The following CCSER2 variants were observed in gnomAD, a reference collection of about 807,000 sequenced individuals.
CCSER2 encodes the protein coiled-coil serine rich protein 2.
Under a neutral mutation model 92.3 loss-of-function variants are expected in CCSER2, and 46 were observed. The ratio of observed to expected loss-of-function variants is 0.50; its 90% CI spans 0.39 to 0.64. CCSER2 has a LOEUF of 0.64. Ranked by LOEUF, CCSER2 falls within the 30% of genes least tolerant of loss-of-function variation. The pLI, the probability that CCSER2 is intolerant of heterozygous loss-of-function variation, is 0.00. For missense variants in CCSER2, 1,244 were observed against 1,238.9 expected, an observed-to-expected ratio of 1.00 and a Z score of -0.06; for synonymous variants, 433 against 431.4, an observed-to-expected ratio of 1.00 and a Z score of -0.04.
chr10:84,427,458 C>G (rs1161062903), intron 5 of CCSER2, among the ~76,000 whole-genome samples: 1 of 152,134 alleles, frequency 6.6e-6, no homozygotes, highest in Non-Finnish European at 1.5e-5. Flanking sequence ...GTATACTAGC[C>G]CCAGGGCCTT....
intron 7 of CCSER2, among the ~76,000 whole-genome samples, chr10:84,466,203 A>G (rs758063226): frequency 1.3e-5 from 2 of 152,136 alleles, no homozygotes; most frequent in Non-Finnish European, 2.9e-5. Flanking sequence ...CAAATCCCCA[A>G]CTGTGTCACC....
chr10:84,339,839 T>C (rs1247012466), intron 1 of CCSER2, among the ~76,000 whole-genome samples: 1 of 151,116 alleles, frequency 6.6e-6, no homozygotes, highest in African/African-American at 2.4e-5. Flanking sequence ...ACTTTATCTT[T>C]TTTATTTTTT....
chr10:84,413,864 CTCT>C (rs1237930257), intron 3 of CCSER2, among the ~76,000 whole-genome samples: 2 of 152,130 alleles, frequency 1.3e-5, no homozygotes, highest in African/African-American at 4.8e-5. Context: ...AGATAGTTAG[CTCT>C]TCTTGTTGAA....
At chr10:84,495,503 A>C (rs1008646918) in intron 9 of CCSER2, among the ~76,000 whole-genome samples, 8 of 152,052 alleles carry the variant, frequency 5.3e-5, no homozygotes, top group African/African-American at 9.7e-5. Flanking sequence ...GTTTTATGTC[A>C]TTGCTGATTT....
chr10:84,391,659 A>G (rs1408742875), intron 3 of CCSER2: 13 of 1,536,542 alleles, frequency 8.5e-6, no homozygotes, highest in African/African-American at 8.2e-5. Context: ...AACAGACCCA[A>G]CACACCAAAG....
chr10:84,466,805 G>A (rs1039083111), intron 7 of CCSER2, among the ~76,000 whole-genome samples: 24 of 152,056 alleles, frequency 1.6e-4, no homozygotes, highest in African/African-American at 5.8e-4. Context: ...AAGCCACCGC[G>A]CCCGGCCTCC....
intron 3 of CCSER2, among the ~76,000 whole-genome samples, chr10:84,400,258 T>G (rs1411788222): frequency 2.6e-5 from 4 of 152,200 alleles, no homozygotes; most frequent in African/African-American, 7.2e-5. Flanking sequence ...TGTCATTGTT[T>G]ATGCTCTTAA....
intron 1 of CCSER2, among the ~76,000 whole-genome samples, chr10:84,340,153 C>T (rs2133007865): frequency 6.6e-6 from 1 of 152,294 alleles, no homozygotes; most frequent in Non-Finnish European, 1.5e-5. Flanking sequence ...ATCACTTTAT[C>T]TTTTTAAGAG....
At chr10:84,365,662 C>G (rs1845740653) in intron 1 of CCSER2, among the ~76,000 whole-genome samples, 1 of 152,184 alleles carries the variant, frequency 6.6e-6, no homozygotes, top group Admixed American at 6.5e-5. Context: ...CTCTTGTGGG[C>G]TCATCTTGTG....
chr10:84,369,409 A>G (rs770888393), intron 1 of CCSER2, among the ~76,000 whole-genome samples: 11 of 152,026 alleles, frequency 7.2e-5, no homozygotes, highest in Non-Finnish European at 1.6e-4. Context: ...CACGTCCCTG[A>G]TGATTAGTGA....
rs1323269161 is a variant in CCSER2, at chr10:84,420,449, T to C, written c.1705+2588T>C. Among the ~76,000 whole-genome samples, 4 of 152,228 alleles carry C rather than the reference T, an allele frequency of 2.6e-5. No individual in the cohort carries two copies. The East Asian group carries it at 7.7e-4, about 29-fold the overall frequency. The stretch of plus-strand genomic sequence containing the variant: ...ATCTAGGTTTGGTACTATAGGAAAG[T>C]GGGAAATTTTTCTTTTTATGGCTCT... On this transcript the variant is annotated intron_variant, in intron 4 of 9. Transcript: ENST00000372088.
At chr10:84,428,903 T>C (rs1239915085) in intron 5 of CCSER2, among the ~76,000 whole-genome samples, 1 of 151,686 alleles carries the variant, frequency 6.6e-6, no homozygotes, top group Non-Finnish European at 1.5e-5. Context: ...AGTAATACTT[T>C]GGTATGTTGC....
At chr10:84,499,950 C>T (rs1053792703) in intron 9 of CCSER2, 5 of 1,613,924 alleles carry the variant, frequency 3.1e-6, no homozygotes, top group South Asian at 1.1e-5. Context: ...TCCACCGCAC[C>T]GCAGACAGAG....
At chr10:84,485,828 T>A (rs1394460538) in intron 9 of CCSER2, among the ~76,000 whole-genome samples, 4 of 152,214 alleles carry the variant, frequency 2.6e-5, no homozygotes, top group African/African-American at 9.7e-5. Context: ...TGTGCCATGT[T>A]GGTGTGCTGC....
intron 1 of CCSER2, among the ~76,000 whole-genome samples, chr10:84,362,222 A>C (rs1315813131): frequency 6.6e-6 from 1 of 152,168 alleles, no homozygotes. Flanking sequence ...GCTCAAGCAG[A>C]TCCTGTATAG....
intron 6 of CCSER2, among the ~76,000 whole-genome samples, chr10:84,461,059 C>T (rs2133654883): frequency 1.3e-5 from 2 of 152,112 alleles, no homozygotes; most frequent in Middle Eastern, 3.4e-3. Context: ...AAAAGTATTT[C>T]ATTCTATAAT....
In CCSER2 at chr10:84,470,381, T is replaced by A. The variant is rs1276017771; in HGVS notation, c.2158T>A (p.Leu720Ile). 3.8e-6 allele frequency: 5 copies of A among 1,325,768 alleles called. No individual in the cohort carries two copies. Among genetic ancestry groups the A allele is most frequent in the Non-Finnish European group, 4.0e-6 (4 of 988,498 alleles). 82.1% of individuals were successfully genotyped at this position (1,325,768 alleles called of 1,614,324 possible). Reference protein sequence around the residue: ...DGDKVYKNEDLLNEIKQLKDE... With the variant: ...DGDKVYKNEDILNEIKQLKDE... Reference sequence around the variant, plus strand: ...TTTTTTAATATTTCAGAATGAAGATTTATTAAATGAAATAAAACAACTTAA... The same window carrying A: ...TTTTTTAATATTTCAGAATGAAGATATATTAAATGAAATAAAACAACTTAA... Residue 720 changes from leucine (L) to isoleucine (I), a missense_variant, in exon 8 of 10, where the codon TTA becomes ATA. Transcript: ENST00000372088.
In CCSER2 at chr10:84,513,640, G is replaced by A. The variant is rs752343382; in HGVS notation, c.2517G>A (p.Gln839=). The A allele has an allele frequency of 3.1e-6, 5 of 1,592,748 alleles. No homozygotes were observed. The highest frequency in any genetic ancestry group is 2.2e-5 in the South Asian group (2 of 89,446). ...AAAGCAACTATGGTTTGGAAGAGCA[G>A]CCTTTTTCATCAGGCCCACAATTAA... ...HQESNYGLEE[Q]PFSSGPQLTM... The change falls in exon 10 of 10, where the codon CAG becomes CAA. Residue 839 remains glutamine (Q), a synonymous_variant. Transcript: ENST00000372088.
chr10:84,459,555 T>A (rs1564688267), intron 6 of CCSER2, among the ~76,000 whole-genome samples: 1 of 151,888 alleles, frequency 6.6e-6, no homozygotes, highest in African/African-American at 2.4e-5. Context: ...CAGGATCTCC[T>A]TCTGTTACCC....
Sources: gnomAD v4.1 joint callset for allele counts (sites outside exome capture counted in the v4.1 genomes callset) on GRCh38, gnomAD v4.1.1 for gene constraint, MANE v1.5 for transcripts, NCBI Gene and HGNC (gene_info 2026-07-23, HGNC 2026-07-21) for gene names.